The following CTNNA3 variants were observed in gnomAD, a reference collection of about 807,000 sequenced individuals.
CTNNA3 encodes the protein catenin alpha-3.
Under a neutral mutation model 95.7 loss-of-function variants are expected in CTNNA3, and 76 were observed. The observed-to-expected ratio is 0.79, with a 90% confidence interval of 0.66 to 0.96. The LOEUF is 0.96. Ranked by LOEUF, CTNNA3 falls within the 40% of genes least tolerant of loss-of-function variation. CTNNA3 has a pLI of 0.00. For synonymous variants in CTNNA3, 431 were observed against 374.4 expected (o/e 1.15, Z -1.74); for missense variants, 1,191 against 1,089.8 (o/e 1.09, Z -1.31).
chr10:66,250,481 C>T (rs1423135065), intron 13 of CTNNA3, among the ~76,000 whole-genome samples: 1 of 152,144 alleles, frequency 6.6e-6, no homozygotes. Context: ...ATCCCATTTA[C>T]TATGATGTGG....
At chr10:67,254,041 G>A (rs186923050) in intron 5 of CTNNA3, among the ~76,000 whole-genome samples, 25 of 152,184 alleles carry the variant, frequency 1.6e-4, no homozygotes, top group African/African-American at 6.0e-4. Flanking sequence ...CTGCAATACA[G>A]TTTTCCTTTC....
At chr10:65,993,734 TTCTCTC>T (rs2078591690) in intron 15 of CTNNA3, among the ~76,000 whole-genome samples, 1 of 152,046 alleles carries the variant, frequency 6.6e-6, no homozygotes, top group African/African-American at 2.4e-5. Context: ...CAGCCAGTCT[TTCTCTC>T]TATATATATT....
At chr10:67,050,201 G>A (rs1854997042) in intron 7 of CTNNA3, among the ~76,000 whole-genome samples, 1 of 152,182 alleles carries the variant, frequency 6.6e-6, no homozygotes, top group Non-Finnish European at 1.5e-5. Flanking sequence ...TGAAGAATCT[G>A]CAATGCAGAT....
intron 5 of CTNNA3, among the ~76,000 whole-genome samples, chr10:67,257,892 A>C (rs549387783): frequency 3.2e-4 from 48 of 152,344 alleles, no homozygotes; most frequent in Admixed American, 2.5e-3. Context: ...CCAGAAGCTG[A>C]AAAGCAATAG....
chr10:66,171,032 A>G (rs1281704335), intron 13 of CTNNA3, among the ~76,000 whole-genome samples: 1 of 151,564 alleles, frequency 6.6e-6, no homozygotes, highest in African/African-American at 2.4e-5. Context: ...ACTTGGGAGG[A>G]CAAGGCACGA....
At chr10:66,931,258 A>G (rs1847373511) in intron 7 of CTNNA3, among the ~76,000 whole-genome samples, 1 of 146,966 alleles carries the variant, frequency 6.8e-6, no homozygotes, top group Non-Finnish European at 1.5e-5. Flanking sequence ...ACTTTGCTTT[A>G]CCAAAACAGA....
At chr10:67,512,243 C>G (rs1839660012) in intron 5 of CTNNA3, among the ~76,000 whole-genome samples, 1 of 151,990 alleles carries the variant, frequency 6.6e-6, no homozygotes, top group African/African-American at 2.4e-5. Context: ...TGAGTGTAAT[C>G]AGAAATGGGA....
intron 13 of CTNNA3, among the ~76,000 whole-genome samples, chr10:66,189,614 A>ATG (rs1672305750): frequency 8.5e-6 from 1 of 117,336 alleles, no homozygotes; most frequent in South Asian, 3.3e-4. Context: ...ATATATATAT[A>ATG]TATACACACA....
intron 5 of CTNNA3, among the ~76,000 whole-genome samples, chr10:67,313,640 G>A (rs1042709086): frequency 8.5e-5 from 13 of 152,064 alleles, no homozygotes; most frequent in Non-Finnish European, 1.6e-4. Flanking sequence ...GCCAATTAGT[G>A]GAGCGTATGA....
intron 7 of CTNNA3, among the ~76,000 whole-genome samples, chr10:66,910,461 C>T (rs571156455): frequency 6.6e-6 from 1 of 152,232 alleles, no homozygotes; most frequent in East Asian, 1.9e-4. Context: ...TCACCTTTTC[C>T]TAGAATAGCC....
At chr10:66,665,144 G>A (rs1002183332) in intron 9 of CTNNA3, among the ~76,000 whole-genome samples, 1 of 152,088 alleles carries the variant, frequency 6.6e-6, no homozygotes, top group African/African-American at 2.4e-5. Flanking sequence ...TCATATCATG[G>A]TGCCCTCTCC....
chr10:66,124,923 A>ACAGC (rs2082746152), intron 13 of CTNNA3, among the ~76,000 whole-genome samples: 1 of 152,238 alleles, frequency 6.6e-6, no homozygotes, highest in Non-Finnish European at 1.5e-5. Context: ...TGGAGGGGAC[A>ACAGC]CAGCCAAACC....
At chr10:66,425,838 G>C (rs184522949) in intron 11 of CTNNA3, among the ~76,000 whole-genome samples, 9 of 152,104 alleles carry the variant, frequency 5.9e-5, no homozygotes, top group Admixed American at 2.6e-4. Context: ...AACCAGGACT[G>C]AGATTAAGAA....
At chr10:67,202,605 G>T (rs764881395) in intron 6 of CTNNA3, among the ~76,000 whole-genome samples, 1 of 152,040 alleles carries the variant, frequency 6.6e-6, no homozygotes, top group Non-Finnish European at 1.5e-5. Context: ...TTTAATGTAA[G>T]AATTAATAAT....
intron 1 of CTNNA3, among the ~76,000 whole-genome samples, chr10:67,682,739 G>C (rs1840651573): frequency 6.6e-6 from 1 of 152,004 alleles, no homozygotes; most frequent in African/African-American, 2.4e-5. Context: ...GTATTCTAAG[G>C]ATACACTCAA....
intron 17 of CTNNA3, among the ~76,000 whole-genome samples, chr10:65,953,065 G>A (rs1786917): frequency 0.016 from 2,384 of 152,280 alleles, 70 homozygotes; most frequent in African/African-American, 0.054. Context: ...ATTGATTTTT[G>A]TTCCTGAATT....
At chr10:66,315,033 G>A (rs373713715) in intron 12 of CTNNA3, among the ~76,000 whole-genome samples, 2 of 151,946 alleles carry the variant, frequency 1.3e-5, no homozygotes, top group Admixed American at 6.6e-5. Context: ...AAGAAGATAT[G>A]GAAAAAACTG....
intron 5 of CTNNA3, among the ~76,000 whole-genome samples, chr10:67,324,932 A>G (rs1193378507): frequency 1.3e-5 from 2 of 152,102 alleles, no homozygotes; most frequent in African/African-American, 2.4e-5. Flanking sequence ...TTATTGATCA[A>G]TTCAGAGATT....
chr10:67,726,439 A>ATT (rs1554879501), intron 1 of CTNNA3, among the ~76,000 whole-genome samples: 1 of 53,162 alleles, frequency 1.9e-5, no homozygotes, highest in Non-Finnish European at 2.9e-5. Context: ...TATCATATAT[A>ATT]ATATATAATA....
Sources: allele counts gnomAD v4.1 joint callset (sites outside exome capture counted in the v4.1 genomes callset), GRCh38; gene constraint gnomAD v4.1.1; transcripts MANE v1.5; gene names NCBI Gene and HGNC (gene_info 2026-07-23, HGNC 2026-07-21).